KYNU: variants seen among roughly 807,000 people sequenced by gnomAD.
KYNU encodes the protein L-kynurenine hydrolase.
In KYNU, 54 loss-of-function variants were observed where a neutral mutation model predicts 59.2. That is an observed-to-expected ratio of 0.91 (90% CI 0.73 to 1.14). The LOEUF (loss-of-function observed/expected upper bound fraction) is 1.14. KYNU is among the 50% of genes most tolerant of loss of function. The probability of loss-of-function intolerance (pLI) is 0.00; values close to 1 mark genes in which losing one functional copy is unlikely to be tolerated. For synonymous variants in KYNU, 177 were observed against 192.0 expected (o/e 0.92, Z 0.65); for missense variants, 567 against 554.4 (o/e 1.02, Z -0.23).
chr2:142,987,687 A>G (rs1685251856), intron 10 of KYNU, among the ~76,000 whole-genome samples: 1 of 151,902 alleles, frequency 6.6e-6, no homozygotes, highest in South Asian at 2.1e-4. Context: ...TATTGTGAGA[A>G]TAAAATGAGA....
chr2:142,933,159 A>G (rs554058242), intron 4 of KYNU, among the ~76,000 whole-genome samples: 13 of 152,336 alleles, frequency 8.5e-5, no homozygotes, highest in African/African-American at 3.1e-4. Flanking sequence ...GCTGCCGCCA[A>G]TGGTCGGAGG....
intron 8 of KYNU, 54 bp from the exon 9 acceptor site, chr2:142,985,030 T>G: frequency 4.0e-6 from 4 of 1,009,102 alleles, no homozygotes; most frequent in East Asian, 2.4e-5. Flanking sequence ...TATTTGTACT[T>G]ATTATTTCTA....
intron 10 of KYNU, among the ~76,000 whole-genome samples, chr2:142,987,790 C>T (rs1160793301): frequency 6.6e-6 from 1 of 151,906 alleles, no homozygotes; most frequent in Non-Finnish European, 1.5e-5. Flanking sequence ...TTGTAATCCC[C>T]AGTGTTGGAG....
At chr2:143,020,675 C>T (rs906457908) in intron 10 of KYNU, among the ~76,000 whole-genome samples, 3 of 152,070 alleles carry the variant, frequency 2.0e-5, no homozygotes. Context: ...TTTGATATTT[C>T]TTTGTTGATT....
intron 4 of KYNU, among the ~76,000 whole-genome samples, chr2:142,940,391 A>G (rs1573815737): frequency 6.6e-6 from 1 of 152,206 alleles, no homozygotes; most frequent in East Asian, 1.9e-4. Context: ...TGGTAAAGTG[A>G]TATTATTCAG....
chr2:143,007,223 G>T (rs1489430543), intron 10 of KYNU, among the ~76,000 whole-genome samples: 2 of 150,302 alleles, frequency 1.3e-5, no homozygotes, highest in African/African-American at 5.0e-5. Flanking sequence ...GGAGCTGATG[G>T]AGCTGAAAAC....
intron 7 of KYNU, among the ~76,000 whole-genome samples, chr2:142,960,262 T>C (rs1684298975): frequency 1.3e-5 from 2 of 152,226 alleles, no homozygotes; most frequent in African/African-American, 2.4e-5. Flanking sequence ...TTTATCTTGC[T>C]ATATAATACT....
rs957303861 is a variant in KYNU, at chr2:142,885,429, A to C, written c.62A>C (p.Lys21Thr). The change falls in exon 2 of 14, where the codon AAA (lysine) becomes ACA (threonine). Residue 21 changes from lysine (K) to threonine (T), a missense_variant. By Grantham distance (78) the Lys-to-Thr change is moderately conservative (BLOSUM62 -1). Coordinates refer to ENST00000264170, the MANE Select transcript of KYNU (RefSeq NM_003937.3). ...GTGCAGCGCATTGCGGCTGAACTCAAATGCCACCCAACGGATGAGAGGGTG... is the reference window on the plus strand; with the variant it reads ...GTGCAGCGCATTGCGGCTGAACTCACATGCCACCCAACGGATGAGAGGGTG... ...DTVQRIAAELKCHPTDERVAL... is the reference protein window; with the variant it reads ...DTVQRIAAELTCHPTDERVAL... 1 of 1,614,098 alleles carries C rather than the reference A, an allele frequency of 6.2e-7. No individual in the cohort carries two copies. The highest frequency in any genetic ancestry group is 1.3e-5 in the African/African-American group (1 of 75,038).
At chr2:143,022,306 T>A (rs1686433249) in intron 10 of KYNU, among the ~76,000 whole-genome samples, 3 of 152,234 alleles carry the variant, frequency 2.0e-5, no homozygotes, top group African/African-American at 7.2e-5. Flanking sequence ...TTCCTTTAGC[T>A]TTATTAATAA....
At chr2:142,996,107 C>T (rs529194329) in intron 10 of KYNU, among the ~76,000 whole-genome samples, 1 of 152,142 alleles carries the variant, frequency 6.6e-6, no homozygotes, top group Non-Finnish European at 1.5e-5. Flanking sequence ...GACTTATGAA[C>T]CCATGCAGCC....
chr2:142,966,508 A>G (rs899162630), intron 8 of KYNU, among the ~76,000 whole-genome samples: 2 of 152,184 alleles, frequency 1.3e-5, no homozygotes, highest in Non-Finnish European at 2.9e-5. Flanking sequence ...GCTCAAGAAC[A>G]GCTGTTAGTT....
chr2:142,927,936 GTTAT>G (rs892682355), intron 4 of KYNU, among the ~76,000 whole-genome samples, 195 bp downstream of exon 4: 1 of 151,798 alleles, frequency 6.6e-6, no homozygotes, highest in African/African-American at 2.4e-5. Flanking sequence ...GCATAACAAG[GTTAT>G]TTATATAAAA....
chr2:142,888,258 T>A (rs568867297), intron 2 of KYNU, among the ~76,000 whole-genome samples: 1 of 152,108 alleles, frequency 6.6e-6, no homozygotes, highest in African/African-American at 2.4e-5. Flanking sequence ...AGAAGTTTGA[T>A]ACCAGCCTGG....
intron 2 of KYNU, among the ~76,000 whole-genome samples, chr2:142,907,373 G>C (rs1177660266): frequency 6.6e-6 from 1 of 152,192 alleles, no homozygotes; most frequent in Non-Finnish European, 1.5e-5. Context: ...ATGAACCTCG[G>C]CACTTGGTTG....
chr2:142,895,053 A>T (rs2104931837), intron 2 of KYNU, among the ~76,000 whole-genome samples: 1 of 152,304 alleles, frequency 6.6e-6, no homozygotes, highest in Non-Finnish European at 1.5e-5. Context: ...CCCCATTAAG[A>T]AGGATTGGTA....
chr2:143,000,285 G>A (rs183967111), intron 10 of KYNU, among the ~76,000 whole-genome samples: 11 of 152,074 alleles, frequency 7.2e-5, no homozygotes, highest in East Asian at 5.8e-4. Flanking sequence ...CTGTTACATC[G>A]AGATATTAAT....
At chr2:142,891,108 G>A (rs1177413449) in intron 2 of KYNU, among the ~76,000 whole-genome samples, 1 of 152,130 alleles carries the variant, frequency 6.6e-6, no homozygotes, top group Non-Finnish European at 1.5e-5. Flanking sequence ...GCTAGCCCAT[G>A]TGTCTTGACT....
chr2:143,012,685 C>G (rs1686144210), intron 10 of KYNU, among the ~76,000 whole-genome samples: 1 of 152,054 alleles, frequency 6.6e-6, no homozygotes, highest in African/African-American at 2.4e-5. Context: ...CACCTTCATG[C>G]AGTTACCCAT....
chr2:142,878,399 G>A (rs1330372528), intron 1 of KYNU, among the ~76,000 whole-genome samples: 4 of 151,970 alleles, frequency 2.6e-5, no homozygotes, highest in Non-Finnish European at 5.9e-5. Flanking sequence ...ATATACACTC[G>A]TAGCAGAGTA....
Sources: allele counts gnomAD v4.1 joint callset (sites outside exome capture counted in the v4.1 genomes callset), GRCh38; gene constraint gnomAD v4.1.1; transcripts MANE v1.5; gene names NCBI Gene and HGNC (gene_info 2026-07-23, HGNC 2026-07-21).